The following UVRAG variants were observed in gnomAD, a reference collection of about 807,000 sequenced individuals.
UVRAG encodes the protein UV radiation resistance associated.
A neutral mutation model predicts 78.0 loss-of-function variants in UVRAG; 19 were observed. The ratio of observed to expected loss-of-function variants is 0.24; its 90% confidence interval spans 0.17 to 0.36. The LOEUF is 0.36. Among genes scored for constraint, UVRAG ranks in the 10% least tolerant of loss-of-function variants. The probability of loss-of-function intolerance (pLI) is 1.00; values close to 1 mark genes in which losing one functional copy is unlikely to be tolerated. For missense variants in UVRAG, 740 were observed against 853.8 expected (o/e 0.87, Z 1.66); for synonymous variants, 323 against 324.6 (o/e 1.00, Z 0.05).
intron 5 of UVRAG, among the ~76,000 whole-genome samples, chr11:75,910,133 AAGGAAC>A (rs1257116837): frequency 6.6e-6 from 1 of 152,188 alleles, no homozygotes; most frequent in Non-Finnish European, 1.5e-5. Context: ...GTTTCTTTTC[AAGGAAC>A]TTGTCTAATT....
chr11:76,014,155 A>G (rs1565120282), intron 11 of UVRAG, among the ~76,000 whole-genome samples: 1 of 152,234 alleles, frequency 6.6e-6, no homozygotes, highest in African/African-American at 2.4e-5. Flanking sequence ...TAGAAAATCA[A>G]CTTTTGGTTA....
intron 13 of UVRAG, among the ~76,000 whole-genome samples, chr11:76,071,864 C>A (rs1951316958): frequency 6.6e-6 from 1 of 152,120 alleles, no homozygotes; most frequent in South Asian, 2.1e-4. Flanking sequence ...ATGTTACTGC[C>A]ATTTATTGAG....
chr11:75,983,682 C>T, intron 8 of UVRAG, 169 bp downstream of exon 8: 1 of 935,608 alleles, frequency 1.1e-6, no homozygotes, highest in African/African-American at 1.7e-5. Context: ...TGCTGAGCTG[C>T]CATCATAGAG....
intron 1 of UVRAG, among the ~76,000 whole-genome samples, chr11:75,816,203 G>C (rs753469898): frequency 1.2e-4 from 18 of 152,186 alleles, no homozygotes; most frequent in Admixed American, 3.3e-4. Flanking sequence ...ATATATTCAT[G>C]TGTTCCTCCA....
intron 14 of UVRAG, among the ~76,000 whole-genome samples, chr11:76,132,198 G>T (rs1245131137): frequency 6.6e-6 from 1 of 152,194 alleles, no homozygotes; most frequent in Non-Finnish European, 1.5e-5. Flanking sequence ...ATTTCTGGTG[G>T]CCGTAAACCA....
intron 7 of UVRAG, among the ~76,000 whole-genome samples, chr11:75,976,319 TA>T (rs1949238698): frequency 6.6e-6 from 1 of 152,228 alleles, no homozygotes; most frequent in African/African-American, 2.4e-5. Context: ...GATATTGATC[TA>T]AAATTCTCTT....
At chr11:75,892,404 C>T (rs529761907) in intron 5 of UVRAG, 1 of 985,264 alleles carries the variant, frequency 1.0e-6, no homozygotes, top group South Asian at 4.7e-5. Context: ...GTAAGTGTTT[C>T]CCTCTAACGG....
chr11:75,828,766 TA>T (rs1945584126), intron 1 of UVRAG, among the ~76,000 whole-genome samples: 1 of 113,346 alleles, frequency 8.8e-6, no homozygotes, highest in Admixed American at 8.7e-5. Context: ...TATATATATA[TA>T]TATATATACA....
intron 8 of UVRAG, among the ~76,000 whole-genome samples, chr11:75,985,390 T>TA (rs147132741): frequency 1.2e-4 from 18 of 152,066 alleles, no homozygotes; most frequent in African/African-American, 3.6e-4. Flanking sequence ...TGCCCATTAA[T>TA]AAAAAAAGTT....
chr11:75,984,512 T>C (rs1350904100), intron 8 of UVRAG, among the ~76,000 whole-genome samples: 1 of 152,212 alleles, frequency 6.6e-6, no homozygotes, highest in African/African-American at 2.4e-5. Flanking sequence ...CAACTTACAA[T>C]GGGTTTATCA....
intron 7 of UVRAG, among the ~76,000 whole-genome samples, chr11:75,971,657 C>G (rs1949123704): frequency 6.6e-6 from 1 of 151,338 alleles, no homozygotes; most frequent in African/African-American, 2.4e-5. Flanking sequence ...CTGTTCAGTT[C>G]TTTGTTGCAT....
At position 76,140,837 on chromosome 11, in the gene UVRAG, C is replaced by A. The variant is rs1952707043; in HGVS notation, c.1524C>A (p.Ser508Arg). Residue 508 changes from serine (S) to arginine (R), a missense_variant, in exon 15 of 15, where the codon AGC (serine) becomes AGA (arginine). Physicochemically the swap from Ser to Arg is moderately radical, Grantham distance 110 (BLOSUM62 -1). Transcript: ENST00000356136. ...SPDKGHRKRA[S>R]SENERLQYKT... is the part of the protein sequence containing the mutation. ...ACAAAGGACATCGAAAACGGGCCAG[C>A]TCTGAGAATGAGAGACTTCAGTACA... The A allele has an allele frequency of 6.2e-7, 1 of 1,614,044 alleles. No individual in the cohort carries two copies. The highest frequency in any genetic ancestry group is 8.5e-7 in the Non-Finnish European group (1 of 1,180,046).
chr11:76,007,186 T>G (rs1949960607), intron 9 of UVRAG, among the ~76,000 whole-genome samples: 2 of 152,098 alleles, frequency 1.3e-5, no homozygotes, highest in African/African-American at 4.8e-5. Flanking sequence ...CTAATTTTTT[T>G]ATTTTTGTAG....
intron 4 of UVRAG, among the ~76,000 whole-genome samples, chr11:75,886,840 C>A (rs1947088198): frequency 6.7e-6 from 1 of 149,484 alleles, no homozygotes; most frequent in African/African-American, 2.6e-5. Flanking sequence ...TTAAAACCTT[C>A]ACGGCAGAAG....
intron 8 of UVRAG, among the ~76,000 whole-genome samples, chr11:75,989,374 T>A (rs1949562532): frequency 6.6e-6 from 1 of 152,144 alleles, no homozygotes; most frequent in South Asian, 2.1e-4. Flanking sequence ...TTTGTGTTTG[T>A]TCACCCTCTG....
intron 14 of UVRAG, among the ~76,000 whole-genome samples, chr11:76,135,634 T>C (rs1470093398): frequency 6.6e-6 from 1 of 152,256 alleles, no homozygotes; most frequent in African/African-American, 2.4e-5. Context: ...AATAAATTCC[T>C]TTTAATTGCA....
intron 13 of UVRAG, among the ~76,000 whole-genome samples, chr11:76,075,974 A>G (rs1951397518): frequency 6.6e-6 from 1 of 152,146 alleles, no homozygotes; most frequent in African/African-American, 2.4e-5. Context: ...TATATACGAC[A>G]TGTTATTTAT....
intron 6 of UVRAG, among the ~76,000 whole-genome samples, chr11:75,921,373 ATTC>A (rs1201438311): frequency 3.9e-5 from 6 of 152,290 alleles, no homozygotes; most frequent in South Asian, 2.1e-4. Context: ...TATTTAGGGT[ATTC>A]TTCTGTGAAT....
At chr11:75,901,873 T>C (rs1947508782) in intron 5 of UVRAG, among the ~76,000 whole-genome samples, 1 of 151,926 alleles carries the variant, frequency 6.6e-6, no homozygotes, top group South Asian at 2.1e-4. Flanking sequence ...TATAGGAAGG[T>C]TTTTCTGTGA....
Sources: allele counts gnomAD v4.1 joint callset (sites outside exome capture counted in the v4.1 genomes callset), GRCh38; gene constraint gnomAD v4.1.1; transcripts MANE v1.5; gene names NCBI Gene and HGNC (gene_info 2026-07-23, HGNC 2026-07-21).